SRGAP2: variants seen among roughly 807,000 people sequenced by gnomAD.
SRGAP2 encodes SLIT-ROBO Rho GTPase activating protein 2, also known as SLIT-ROBO Rho GTPase-activating protein 2.
Under a neutral mutation model 57.2 loss-of-function variants are expected in SRGAP2, and 15 were observed. That is an observed-to-expected ratio of 0.26 (90% CI 0.18 to 0.40). The LOEUF (loss-of-function observed/expected upper bound fraction) is 0.40, where lower values mean the gene tolerates loss of function less well. Ranked by LOEUF, SRGAP2 falls within the 10% of genes least tolerant of loss-of-function variation. The pLI is 1.00. For missense variants in SRGAP2, 520 were observed against 669.6 expected (o/e 0.78, Z 2.47); for synonymous variants, 249 against 248.0 (o/e 1.00, Z -0.04).
chr1:206,248,774 A>G (rs1668653943), intron 2 of SRGAP2, among the ~76,000 whole-genome samples: 1 of 149,726 alleles, frequency 6.7e-6, no homozygotes, highest in South Asian at 2.2e-4. Flanking sequence ...TATTGATTCA[A>G]CTTCAGAATA....
chr1:206,413,122 A>G (rs908862793), intron 10 of SRGAP2, among the ~76,000 whole-genome samples: 3 of 152,252 alleles, frequency 2.0e-5, no homozygotes, highest in African/African-American at 7.2e-5. Flanking sequence ...TGGAATCACA[A>G]GTAGTGAGAG....
Position 206,455,465 on chromosome 1 carries a change from G to C in SRGAP2, c.2507+441G>C, listed in dbSNP as rs142338059. The C allele has an allele frequency of 8.4e-5, 18 of 213,286 alleles. No homozygotes were observed. The East Asian group carries it at 2.7e-3, about 32-fold the overall frequency. The allele number at this position is 213,286 out of a possible 1,614,324, so 13.2% of individuals were successfully genotyped here. ...GTGTTCGTGCAAAGATTCAGAGTCT[G>C]TGTGTGGCTTCTACTAGGCTGATGT... On this transcript the variant is annotated intron_variant, in intron 21 of 22. Transcript: ENST00000573034.
intron 18 of SRGAP2, 75 bp from the exon 19 acceptor site, chr1:206,450,311 G>A (rs1321499072): frequency 2.7e-6 from 2 of 749,618 alleles, no homozygotes; most frequent in African/African-American, 1.7e-5. Context: ...TCGCGCCAGG[G>A]AGGCTGTATG....
rs1044625785 is a variant in SRGAP2, at chr1:206,462,485, A to G, written c.*1065A>G. ...AACATAAAATTCATTATCCTATTAA[A>G]AAATTAAATTCAGCTTTGCTAATCC... On this transcript the variant is annotated 3_prime_UTR_variant, in exon 23 of 23. Transcript: ENST00000573034. 41 of 152,636 alleles carry G rather than the reference A, an allele frequency of 2.7e-4. No homozygotes were observed. The highest frequency in any genetic ancestry group is 8.9e-4 in the African/African-American group (37 of 41,454). The allele number at this position is 152,636 out of a possible 1,614,324, so 9.5% of individuals were successfully genotyped here.
At chr1:206,399,085 A>C (rs879970601) in intron 7 of SRGAP2, among the ~76,000 whole-genome samples, 1 of 152,248 alleles carries the variant, frequency 6.6e-6, no homozygotes, top group Non-Finnish European at 1.5e-5. Flanking sequence ...CAGAAGGATT[A>C]AGTAGCTTGC....
chr1:206,443,321 A>G (rs1662475395), intron 17 of SRGAP2, among the ~76,000 whole-genome samples: 1 of 152,072 alleles, frequency 6.6e-6, no homozygotes, highest in Admixed American at 6.5e-5. Context: ...GTTGTTACTA[A>G]TGTTATCCAT....
intron 4 of SRGAP2, among the ~76,000 whole-genome samples, chr1:206,365,540 A>C (rs1253601785): frequency 2.1e-5 from 3 of 144,806 alleles, no homozygotes; most frequent in Non-Finnish European, 4.5e-5. Context: ...AGATTGTCTG[A>C]GTTCCCTGGG....
intron 4 of SRGAP2, among the ~76,000 whole-genome samples, chr1:206,344,075 C>G (rs1553336291): frequency 6.6e-6 from 1 of 152,134 alleles, no homozygotes; most frequent in Non-Finnish European, 1.5e-5. Context: ...TCGATACAGT[C>G]AAAGCTCTTG....
intron 3 of SRGAP2, among the ~76,000 whole-genome samples, chr1:206,315,338 T>A (rs1280535524): frequency 6.8e-6 from 1 of 147,376 alleles, no homozygotes; most frequent in Non-Finnish European, 1.5e-5. Context: ...CCAGGAAACA[T>A]GAAGCTCCCG....
intron 2 of SRGAP2, among the ~76,000 whole-genome samples, chr1:206,216,664 C>G (rs1311294360): frequency 6.6e-6 from 1 of 150,514 alleles, no homozygotes; most frequent in Admixed American, 6.6e-5. Context: ...CTTATTTATA[C>G]GTTGTGAATG....
chr1:206,409,934 A>G (rs1361818641), intron 10 of SRGAP2, among the ~76,000 whole-genome samples: 10 of 151,256 alleles, frequency 6.6e-5, no homozygotes, highest in Admixed American at 4.6e-4. Context: ...CCTCGTCTCT[A>G]CTAAAAACAC....
chr1:206,265,768 G>T (rs1669803735), intron 2 of SRGAP2, among the ~76,000 whole-genome samples: 1 of 151,930 alleles, frequency 6.6e-6, no homozygotes, highest in African/African-American at 2.4e-5. Flanking sequence ...AACAAAACCT[G>T]CCAGAAGATT....
At chr1:206,327,347 T>G (rs1490628280) in intron 3 of SRGAP2, among the ~76,000 whole-genome samples, 10 of 148,906 alleles carry the variant, frequency 6.7e-5, no homozygotes, top group African/African-American at 2.0e-4. Flanking sequence ...AAAAAAGAAG[T>G]GTTCCTATTT....
rs1157536657 is a variant in SRGAP2 at position 206,239,496 on chromosome 1, C to T, written c.67+33459C>T. Among the ~76,000 whole-genome samples the T allele has an allele frequency of 2.6e-5, 4 of 152,234 alleles. No individual in the cohort carries two copies. The East Asian group carries it at 5.8e-4, about 22-fold the overall frequency. On this transcript the variant is annotated intron_variant, in intron 2 of 22. Transcript: ENST00000573034. ...TTTTTGAGACAGAGTCTTCCTCTGT[C>T]GCCCAGGCTGAAATGCAGTGGCATG...
At chr1:206,334,993 C>A (rs1485200540) in intron 3 of SRGAP2, among the ~76,000 whole-genome samples, 1 of 150,734 alleles carries the variant, frequency 6.6e-6, no homozygotes, top group East Asian at 1.9e-4. Flanking sequence ...GTGGATCCAA[C>A]TGTCAACATG....
chr1:206,258,271 T>C (rs1214786112), intron 2 of SRGAP2, among the ~76,000 whole-genome samples: 8 of 152,156 alleles, frequency 5.3e-5, no homozygotes, highest in Non-Finnish European at 1.0e-4. Context: ...TCCATGGCTA[T>C]TTTTAATGTT....
chr1:206,309,251 T>C (rs1553323073), intron 3 of SRGAP2, among the ~76,000 whole-genome samples: 1 of 149,772 alleles, frequency 6.7e-6, no homozygotes, highest in Non-Finnish European at 1.5e-5. Flanking sequence ...AGTAGAGATA[T>C]GAGAACACAG....
intron 11 of SRGAP2, among the ~76,000 whole-genome samples, chr1:206,417,933 G>A (rs1553362613): frequency 6.6e-6 from 1 of 151,634 alleles, no homozygotes; most frequent in Admixed American, 6.6e-5. Flanking sequence ...AAGACAGAGA[G>A]CAGGGCCTTG....
Position 206,410,325 on chromosome 1 carries a change from G to A in SRGAP2, c.1356+3751G>A, listed in dbSNP as rs530603673. Reference sequence around the variant, plus strand: ...TGATCTTCTTGGCTTTGTGTTTATCGCTTATCTTTTATAACACATAGTTCA... The same window carrying A: ...TGATCTTCTTGGCTTTGTGTTTATCACTTATCTTTTATAACACATAGTTCA... On this transcript the variant is annotated intron_variant, in intron 10 of 22. Coordinates refer to ENST00000573034, the MANE Select transcript of SRGAP2 (RefSeq NM_015326.5). 8.1e-3 allele frequency among the ~76,000 whole-genome samples: 1,238 copies of A among 152,220 alleles called. 17 individuals are homozygous for A. The highest frequency in any genetic ancestry group is 0.028 in the African/African-American group (1,171 of 41,512).
Sources: gnomAD v4.1 joint callset for allele counts (sites outside exome capture counted in the v4.1 genomes callset) on GRCh38, gnomAD v4.1.1 for gene constraint, MANE v1.5 for transcripts, NCBI Gene and HGNC (gene_info 2026-07-23, HGNC 2026-07-21) for gene names.